PTDSS2: variants seen among roughly 807,000 people sequenced by gnomAD.
The protein encoded by PTDSS2 is PSS-2.
In PTDSS2, 41 loss-of-function variants were observed where a neutral mutation model predicts 64.7. The observed-to-expected ratio is 0.63, with a 90% CI of 0.49 to 0.82. The LOEUF (loss-of-function observed/expected upper bound fraction) is 0.82, where lower values mean the gene tolerates loss of function less well. PTDSS2 is among the 40% of genes least tolerant of loss of function. The pLI, the probability that PTDSS2 is intolerant of heterozygous loss-of-function variation, is 0.00. For synonymous variants in PTDSS2, 297 were observed against 277.8 expected, an observed-to-expected ratio of 1.07 and a Z score of -0.69; for missense variants, 485 against 650.0, an observed-to-expected ratio of 0.75 and a Z score of 2.76.
chr11:487,368 G>A (rs560909240), intron 5 of PTDSS2, 52 bp from the exon 6 acceptor site: 8 of 1,522,442 alleles, frequency 5.3e-6, no homozygotes, highest in Non-Finnish European at 5.5e-6. Context: ...CCGGTGTGGG[G>A]AGTGGGGGTG....
chr11:477,007 C>T (rs73399649), intron 3 of PTDSS2, among the ~76,000 whole-genome samples: 3,902 of 151,896 alleles, frequency 0.026, 168 homozygotes, highest in African/African-American at 0.089. Flanking sequence ...TCCTGTGCAG[C>T]GGAGGCTCTG....
At position 460,741 on chromosome 11, in the gene PTDSS2, G is replaced by A. The variant is rs568846162; in HGVS notation, c.284+453G>A. ...CAGACCATCTGGTCAGCAGCCAAGC[G>A]AGTAAACTCGTCTTCTCAGGTTTAT... is the stretch of plus-strand genomic sequence containing the variant. On this transcript the variant is annotated intron_variant, in intron 2 of 11. Coordinates refer to ENST00000308020, the MANE Select transcript of PTDSS2 (RefSeq NM_030783.3). The surrounding 1 kb of genome is among the most constrained non-coding windows in gnomAD (Gnocchi z 5.8). 41 of 160,830 alleles carry A rather than the reference G, an allele frequency of 2.5e-4. 1 individual carries two copies. The highest frequency in any genetic ancestry group is 7.3e-4 in the East Asian group (4 of 5,494). 10.0% of individuals were successfully genotyped at this position (160,830 alleles called of 1,614,324 possible).
chr11:457,550 A>T (rs1846654769), intron 1 of PTDSS2, among the ~76,000 whole-genome samples: 1 of 152,084 alleles, frequency 6.6e-6, no homozygotes, highest in South Asian at 2.1e-4. Flanking sequence ...TGTCTTTGAG[A>T]TCTATCCACG....
At chr11:451,446 T>C (rs1846324419) in intron 1 of PTDSS2, 1 of 440,302 alleles carries the variant, frequency 2.3e-6, no homozygotes. Context: ...GCCGTCGACC[T>C]GAAAGCAGGC....
Position 450,311 on chromosome 11 carries a change from C to A in PTDSS2, c.-145C>A. On this transcript the variant is annotated 5_prime_UTR_variant, in exon 1 of 12. Coordinates refer to ENST00000308020, the MANE Select transcript of PTDSS2 (RefSeq NM_030783.3). ...ACCGCACACCCTTTACTGGCCGGCC[C>A]CGCGCTGCTCTCCTAAGACCCCGCG... 1 of 618,406 alleles carries A rather than the reference C, an allele frequency of 1.6e-6. No homozygotes were observed. The highest frequency in any genetic ancestry group is 2.3e-6 in the Non-Finnish European group (1 of 433,804). The allele number at this position is 618,406 out of a possible 1,614,324, so 38.3% of individuals were successfully genotyped here.
intron 3 of PTDSS2, among the ~76,000 whole-genome samples, chr11:477,285 G>A (rs543287978): frequency 1.3e-5 from 2 of 152,352 alleles, no homozygotes; most frequent in Non-Finnish European, 2.9e-5. Flanking sequence ...CTGTGTGAAC[G>A]GCATTTTCTT....
At chr11:454,450 G>T (rs960530613) in intron 1 of PTDSS2, among the ~76,000 whole-genome samples, 22 of 152,192 alleles carry the variant, frequency 1.4e-4, no homozygotes, top group Admixed American at 1.2e-3. Context: ...GTTTCCCTGG[G>T]CTACACAAGG....
Position 461,546 on chromosome 11 carries a change from C to T in PTDSS2, c.284+1258C>T, listed in dbSNP as rs552143264. Among the ~76,000 whole-genome samples the T allele has an allele frequency of 3.3e-5, 5 of 152,268 alleles. No individual in the cohort carries two copies. The highest frequency in any genetic ancestry group is 1.2e-4 in the African/African-American group (5 of 41,556). On this transcript the variant is annotated intron_variant, in intron 2 of 11. Transcript: ENST00000308020. This position sits in a 1 kb window ranked among gnomAD's most constrained non-coding sequence, Gnocchi z 4.2. ...GGAGGCGCAGGTGGCCTCTCCTGTC[C>T]TGGTCTCCCTACCCTGCTCCTGGCT... is the stretch of plus-strand genomic sequence containing the variant.
Position 490,840 on chromosome 11 carries a change from GGTGTGCAC to G in PTDSS2, c.*265_*272del, listed in dbSNP as rs1848652852. 1.9e-6 allele frequency: 1 copy of G among 524,034 alleles called. No homozygotes were observed. Among genetic ancestry groups the G allele is most frequent in the Middle Eastern group, 5.0e-4 (1 of 1,996 alleles). 32.5% of individuals were successfully genotyped at this position (524,034 alleles called of 1,614,324 possible). ...TGTGTACACATGCGTGGCCGCCTGT[GGTGTGCAC>G]GTGTGCTCTGGGCTCCGAGGCTTCT... On this transcript the variant is annotated 3_prime_UTR_variant, in exon 12 of 12. Transcript: ENST00000308020.
At chr11:453,706 C>A (rs180885053) in intron 1 of PTDSS2, among the ~76,000 whole-genome samples, 4 of 152,246 alleles carry the variant, frequency 2.6e-5, no homozygotes, top group Non-Finnish European at 5.9e-5. Context: ...AGGAGCCTCT[C>A]GCAGGCCTTG....
intron 2 of PTDSS2, among the ~76,000 whole-genome samples, chr11:467,327 A>G (rs1198010532): frequency 6.6e-6 from 1 of 152,146 alleles, no homozygotes; most frequent in East Asian, 1.9e-4. Flanking sequence ...GCCACTGCAT[A>G]CCCGACGGAG....
At chr11:467,853 C>T (rs1270219640) in intron 2 of PTDSS2, among the ~76,000 whole-genome samples, 1 of 151,862 alleles carries the variant, frequency 6.6e-6, no homozygotes, top group African/African-American at 2.4e-5. Context: ...AACCTGCATG[C>T]AGGCCAGGCA....
At chr11:474,082 C>G in intron 3 of PTDSS2, 105 bp downstream of exon 3, 1 of 970,464 alleles carries the variant, frequency 1.0e-6, no homozygotes, top group Non-Finnish European at 1.7e-6. Flanking sequence ...TCCCCTCCGC[C>G]TGGCCCCTCC....
At chr11:451,758 C>T (rs995165814) in intron 1 of PTDSS2, among the ~76,000 whole-genome samples, 1 of 152,090 alleles carries the variant, frequency 6.6e-6, no homozygotes, top group African/African-American at 2.4e-5. Context: ...TCACCGCAGC[C>T]GAAGCTCTGG....
rs893297158 is a variant in PTDSS2, at chr11:476,348, C to T, written c.367+2371C>T. On this transcript the variant is annotated intron_variant, in intron 3 of 11. Transcript: ENST00000308020. The surrounding 1 kb of genome is among the most constrained non-coding windows in gnomAD (Gnocchi z 4.9). ...GGCGCCGTGACGGTGAGAAACTGCC[C>T]GTCACACAGTGAAAGGCCTGGCGCG... is the stretch of plus-strand genomic sequence containing the variant. 1.3e-5 allele frequency among the ~76,000 whole-genome samples: 2 copies of T among 152,118 alleles called. No individual in the cohort carries two copies. The highest frequency in any genetic ancestry group is 2.4e-5 in the African/African-American group (1 of 41,416).
intron 4 of PTDSS2, among the ~76,000 whole-genome samples, chr11:485,316 C>A (rs1461836834): frequency 4.1e-5 from 5 of 120,914 alleles, no homozygotes; most frequent in African/African-American, 1.6e-4. Flanking sequence ...TGTGCGCAGG[C>A]GAGTGTAAGT....
rs1274073444 is a variant in PTDSS2, at chr11:470,460, G to A, written c.285-3435G>A. On this transcript the variant is annotated intron_variant, in intron 2 of 11. Coordinates refer to ENST00000308020, the MANE Select transcript of PTDSS2 (RefSeq NM_030783.3). This position sits in a 1 kb window ranked among gnomAD's most constrained non-coding sequence, Gnocchi z 5.3. Reference sequence around the variant, plus strand: ...GCCTGAAGAGACAGAACGAGTAGATGCCATGTGGCTTCCAGGAAGAGATTG... The same window carrying A: ...GCCTGAAGAGACAGAACGAGTAGATACCATGTGGCTTCCAGGAAGAGATTG... Among the ~76,000 whole-genome samples the A allele has an allele frequency of 6.6e-6, 1 of 152,230 alleles. No individual in the cohort carries two copies. Among genetic ancestry groups the A allele is most frequent in the Non-Finnish European group, 1.5e-5 (1 of 68,034 alleles).
chr11:474,928 C>T (rs568440558), intron 3 of PTDSS2, among the ~76,000 whole-genome samples: 5 of 149,074 alleles, frequency 3.4e-5, no homozygotes, highest in Non-Finnish European at 3.0e-5. Flanking sequence ...CATATTCACG[C>T]GTTTATGATA....
rs180899799 is a variant in PTDSS2 at position 488,445 on chromosome 11, C to T, written c.736-84C>T. ...GTGGGTGCAGGCTGAGGGGCATTCT[C>T]GGTTCCCCTGTGCTCTTCCGGGGTC... On this transcript the variant is annotated intron_variant, in intron 7 of 11. Transcript: ENST00000308020. 776 of 1,371,142 alleles carry T rather than the reference C, an allele frequency of 5.7e-4. 5 individuals are homozygous for T. The Middle Eastern group carries it at 0.016, about 29-fold the overall frequency. The allele number at this position is 1,371,142 out of a possible 1,614,324, so 84.9% of individuals were successfully genotyped here.
Sources: allele counts gnomAD v4.1 joint callset (sites outside exome capture counted in the v4.1 genomes callset), GRCh38; gene constraint gnomAD v4.1.1; non-coding constraint Gnocchi (gnomAD v3.1); transcripts MANE v1.5; gene names NCBI Gene and HGNC (gene_info 2026-07-23, HGNC 2026-07-21).